C2orf78: variants seen among roughly 807,000 people sequenced by gnomAD.
The protein encoded by C2orf78 is uncharacterized protein C2orf78.
In C2orf78, 12 loss-of-function variants were observed where a neutral mutation model predicts 21.4. The observed-to-expected ratio is 0.56, with a 90% CI of 0.36 to 0.91. The LOEUF (loss-of-function observed/expected upper bound fraction) is 0.91. Among genes scored for constraint, C2orf78 ranks in the 40% least tolerant of loss-of-function variants. C2orf78 has a pLI of 0.01. For missense variants in C2orf78, 1,042 were observed against 1,092.4 expected, an observed-to-expected ratio of 0.95 and a Z score of 0.65; for synonymous variants, 396 against 413.9, an observed-to-expected ratio of 0.96 and a Z score of 0.52.
chr2:73,815,366 A>G, exon 3 of C2orf78: 1 of 1,613,992 alleles, frequency 6.2e-7, no homozygotes, highest in Non-Finnish European at 8.5e-7. Context: ...TCCTAATAGG[A>G]AATCAAGATC....
chr2:73,816,506 AT>A lies in C2orf78; in HGVS notation c.2284del (p.Ser762ArgfsTer16). 6.2e-7 allele frequency: 1 copy of A among 1,613,928 alleles called. No individual in the cohort carries two copies. The highest frequency in any genetic ancestry group is 1.7e-5 in the Admixed American group (1 of 60,002). ...GACCTGATTCTACTAACTCAGCTCA[AT>A]CGAATGCAGTCAATCCATCCCGACC... On this transcript the variant is annotated frameshift_variant, in exon 3 of 3. Coordinates refer to ENST00000409561, the Ensembl canonical transcript of C2orf78. LOFTEE classifies it low-confidence loss of function (END_TRUNC).
At chr2:73,815,895 G>A in exon 3 of C2orf78, 1 of 1,613,516 alleles carries the variant, frequency 6.2e-7, no homozygotes, top group Non-Finnish European at 8.5e-7. Context: ...TCACAAGGCT[G>A]CATCCAGCAG....
chr2:73,814,066 T>C (rs1673144109), exon 2 of C2orf78: 4 of 1,613,762 alleles, frequency 2.5e-6, no homozygotes, highest in East Asian at 2.2e-5. Flanking sequence ...TGCAATCTTA[T>C]GGCTCTGTGT....
intron 1 of C2orf78, among the ~76,000 whole-genome samples, chr2:73,811,569 T>C (rs1157014958): frequency 6.6e-6 from 1 of 152,216 alleles, no homozygotes; most frequent in Non-Finnish European, 1.5e-5. Context: ...TGATTCATAA[T>C]GGACTGCTTT....
chr2:73,816,245 G>T (rs1306414356), exon 3 of C2orf78: 2 of 1,613,818 alleles, frequency 1.2e-6, no homozygotes, highest in East Asian at 2.2e-5. Context: ...TCAAACCATG[G>T]CTGGATATCC....
At chr2:73,814,703 A>G (rs538546589) in intron 2 of C2orf78, among the ~76,000 whole-genome samples, 36 of 152,188 alleles carry the variant, frequency 2.4e-4, no homozygotes, top group African/African-American at 8.7e-4. Context: ...GAAGGGCTCC[A>G]CTCTCTACCT....
At chr2:73,813,808 G>C in exon 2 of C2orf78, 1 of 1,613,994 alleles carries the variant, frequency 6.2e-7, no homozygotes, top group Non-Finnish European at 8.5e-7. Flanking sequence ...CCTCACTCAG[G>C]GACTTCACTG....
intron 2 of C2orf78, 72 bp downstream of exon 2, chr2:73,814,298 G>T: frequency 6.8e-7 from 1 of 1,471,270 alleles, no homozygotes; most frequent in Non-Finnish European, 9.1e-7. Context: ...TGTAGCGAGT[G>T]GTGAGTCCGT....
Position 73,808,762 on chromosome 2 carries a change from C to G in C2orf78, c.98-4715C>G, listed in dbSNP as rs921047797. 3.3e-6 allele frequency: 5 copies of G among 1,517,426 alleles called. No individual in the cohort carries two copies. The African/African-American group carries it at 7.0e-5, about 21-fold the overall frequency. 94.0% of individuals were successfully genotyped at this position (1,517,426 alleles called of 1,614,324 possible). ...GTAAATTTGTATCATCACAAGGGGC[C>G]AGTGACCAGTAACCAGTGACCAGTG... On this transcript the variant is annotated intron_variant, in intron 1 of 2. Coordinates refer to ENST00000409561, the Ensembl canonical transcript of C2orf78.
intron 1 of C2orf78, 87 bp downstream of exon 1, chr2:73,784,493 C>T (rs932636678): frequency 2.4e-5 from 13 of 550,090 alleles, no homozygotes; most frequent in Admixed American, 1.9e-4. Context: ...TCCCAAACAG[C>T]TTGGAATAAC....
intron 2 of C2orf78, 33 bp downstream of exon 2, chr2:73,814,259 A>T (rs1423361401): frequency 1.3e-6 from 2 of 1,522,500 alleles, no homozygotes; most frequent in Non-Finnish European, 8.8e-7. Context: ...GAGAGGAATA[A>T]TGTCAGCGTT....
intron 1 of C2orf78, among the ~76,000 whole-genome samples, chr2:73,809,094 C>T (rs528561725): frequency 1.4e-3 from 218 of 152,278 alleles, no homozygotes; most frequent in Non-Finnish European, 2.3e-3. Flanking sequence ...TATTCTCTCA[C>T]AAAATCTGTT....
chr2:73,814,695 A>G (rs1673158211), intron 2 of C2orf78, among the ~76,000 whole-genome samples: 1 of 152,190 alleles, frequency 6.6e-6, no homozygotes, highest in Non-Finnish European at 1.5e-5. Flanking sequence ...TTCATGAGGA[A>G]GGGCTCCACT....
At chr2:73,811,995 C>T (rs1038215912) in intron 1 of C2orf78, among the ~76,000 whole-genome samples, 1 of 152,114 alleles carries the variant, frequency 6.6e-6, no homozygotes, top group African/African-American at 2.4e-5. Context: ...TATATTATGG[C>T]TATTTTACAT....
At chr2:73,813,589 C>A (rs187989013) in exon 2 of C2orf78, 1 of 1,614,052 alleles carries the variant, frequency 6.2e-7, no homozygotes, top group African/African-American at 1.3e-5. Context: ...TCTCCAGAGC[C>A]TCTGCTCCAG....
chr2:73,816,159 A>G, exon 3 of C2orf78: 1 of 1,613,954 alleles, frequency 6.2e-7, no homozygotes, highest in Non-Finnish European at 8.5e-7. Context: ...AAAGATCGAT[A>G]TGAAAACTGG....
At chr2:73,811,457 C>T (rs896516192) in intron 1 of C2orf78, among the ~76,000 whole-genome samples, 2 of 152,198 alleles carry the variant, frequency 1.3e-5, no homozygotes, top group Non-Finnish European at 2.9e-5. Context: ...AAGAATGTAT[C>T]GTTATTTGCA....
intron 1 of C2orf78, among the ~76,000 whole-genome samples, chr2:73,809,187 C>T (rs1441332946): frequency 4.5e-4 from 68 of 151,922 alleles, no homozygotes; most frequent in African/African-American, 1.0e-3. Flanking sequence ...AAAGGGTATA[C>T]GTATAGAAAA....
chr2:73,810,109 G>A (rs1673048374), intron 1 of C2orf78, among the ~76,000 whole-genome samples: 2 of 152,238 alleles, frequency 1.3e-5, no homozygotes, highest in Non-Finnish European at 2.9e-5. Flanking sequence ...GGACTAGGAA[G>A]GAAACAGGCT....
Sources: gnomAD v4.1 joint callset for allele counts (sites outside exome capture counted in the v4.1 genomes callset) on GRCh38, gnomAD v4.1.1 for gene constraint, MANE v1.5 for transcripts, NCBI Gene and HGNC (gene_info 2026-07-23, HGNC 2026-07-21) for gene names.